The following FOXP2 variants were observed in gnomAD, a reference collection of about 807,000 sequenced individuals.
FOXP2 encodes forkhead box P2.
In FOXP2, 12 loss-of-function variants were observed where a neutral mutation model predicts 115.8. The ratio of observed to expected loss-of-function variants is 0.10; its 90% CI spans 0.07 to 0.17. The LOEUF is 0.17. Among genes scored for constraint, FOXP2 ranks in the 10% least tolerant of loss-of-function variants. The pLI is 1.00. For missense variants in FOXP2, 629 were observed against 843.5 expected (o/e 0.75, Z 3.15); for synonymous variants, 328 against 297.7 (o/e 1.10, Z -1.05).
At chr7:114,132,478 T>TA (rs1465254402) in intron 1 of FOXP2, among the ~76,000 whole-genome samples, 1 of 149,890 alleles carries the variant, frequency 6.7e-6, no homozygotes, top group Non-Finnish European at 1.5e-5. Flanking sequence ...ATAAATCTGT[T>TA]AAAGATAAAG....
intron 1 of FOXP2, among the ~76,000 whole-genome samples, chr7:114,191,573 T>C (rs1793762057): frequency 6.6e-6 from 1 of 152,220 alleles, no homozygotes; most frequent in Admixed American, 6.5e-5. Flanking sequence ...ATTATGAACA[T>C]ATAACCTGAT....
intron 1 of FOXP2, among the ~76,000 whole-genome samples, chr7:114,219,305 A>G (rs1296692025): frequency 6.6e-6 from 1 of 152,192 alleles, no homozygotes; most frequent in Non-Finnish European, 1.5e-5. Context: ...CAACAACAGT[A>G]AAGAAAGTGG....
chr7:114,232,029 G>A (rs913230206), intron 1 of FOXP2, among the ~76,000 whole-genome samples: 6 of 152,072 alleles, frequency 3.9e-5, no homozygotes, highest in African/African-American at 1.4e-4. Flanking sequence ...ACAAATAACT[G>A]ATTGAAAAAT....
chr7:114,538,071 G>T (rs1295089434), intron 3 of FOXP2, among the ~76,000 whole-genome samples: 1 of 151,570 alleles, frequency 6.6e-6, no homozygotes, highest in African/African-American at 2.4e-5. Flanking sequence ...AATGAGGAAA[G>T]TTAGCCAAAA....
chr7:114,365,754 GA>G (rs1382939150), intron 2 of FOXP2, among the ~76,000 whole-genome samples: 1 of 151,948 alleles, frequency 6.6e-6, no homozygotes, highest in East Asian at 1.9e-4. Flanking sequence ...TTCTTTTTAT[GA>G]AAAAATGTAG....
chr7:114,452,509 T>C (rs1795116657), intron 2 of FOXP2, among the ~76,000 whole-genome samples: 1 of 152,062 alleles, frequency 6.6e-6, no homozygotes, highest in African/African-American at 2.4e-5. Context: ...TTTAGAGGTT[T>C]GAAAATTGAT....
intron 1 of FOXP2, among the ~76,000 whole-genome samples, chr7:114,131,895 T>G (rs187235542): frequency 6.6e-6 from 1 of 152,320 alleles, no homozygotes; most frequent in Non-Finnish European, 1.5e-5. Context: ...ACCTGAAGGA[T>G]GAGGACTAGG....
chr7:114,137,743 AG>A (rs1357691085), intron 1 of FOXP2, among the ~76,000 whole-genome samples: 9 of 152,320 alleles, frequency 5.9e-5, no homozygotes, highest in South Asian at 2.1e-4. Flanking sequence ...AGTCTAGAAA[AG>A]CCCATGCAAT....
intron 2 of FOXP2, among the ~76,000 whole-genome samples, chr7:114,445,837 CATCTG>C: frequency 6.6e-6 from 1 of 151,818 alleles, no homozygotes; most frequent in African/African-American, 2.4e-5. Context: ...TCAGATAACA[CATCTG>C]ATTTAATTAA....
chr7:114,431,852 T>C (rs1315435538), intron 2 of FOXP2, among the ~76,000 whole-genome samples: 1 of 151,962 alleles, frequency 6.6e-6, no homozygotes, highest in Admixed American at 6.6e-5. Context: ...ATAATACTCA[T>C]GGCAGGTGAG....
At chr7:114,585,933 A>G (rs1290098353) in intron 3 of FOXP2, among the ~76,000 whole-genome samples, 1 of 152,132 alleles carries the variant, frequency 6.6e-6, no homozygotes, top group African/African-American at 2.4e-5. Flanking sequence ...GTCTGAGGAG[A>G]ACACGATTTT....
chr7:114,681,466 A>C (rs1276069453), intron 16 of FOXP2, among the ~76,000 whole-genome samples: 1 of 152,190 alleles, frequency 6.6e-6, no homozygotes, highest in Non-Finnish European at 1.5e-5. Context: ...CCCAACGTGC[A>C]TAGCAAATGT....
intron 2 of FOXP2, among the ~76,000 whole-genome samples, chr7:114,453,918 G>A (rs1347874262): frequency 6.6e-6 from 1 of 151,982 alleles, no homozygotes; most frequent in Non-Finnish European, 1.5e-5. Context: ...AAAAACCCTA[G>A]AAGAAAACCT....
chr7:114,663,662 AGC>A, intron 15 of FOXP2, 143 bp downstream of exon 15: 4 of 694,510 alleles, frequency 5.8e-6, no homozygotes, highest in Non-Finnish European at 1.0e-5. Context: ...TACTATAGAC[AGC>A]ACTGGTTCTA....
chr7:114,283,888 G>A (rs1001117107), intron 1 of FOXP2, among the ~76,000 whole-genome samples: 3 of 152,042 alleles, frequency 2.0e-5, no homozygotes, highest in Admixed American at 1.3e-4. Flanking sequence ...GCTTGAGCCT[G>A]GGAATTGGAG....
chr7:114,628,738 A>G lies in FOXP2; in HGVS notation c.396+61A>G, dbSNP rs147052438. The G allele has an allele frequency of 2.0e-4, 324 of 1,599,910 alleles. 2 individuals carry two copies. The African/African-American group carries it at 3.9e-3, about 19-fold the overall frequency. On this transcript the variant is annotated intron_variant, in intron 4 of 16. Transcript: ENST00000350908. Reference sequence around the variant, plus strand: ...ACTTAGAAGGTGTGCACTTATTTTGAAAGTGCAGTGGGCATATTTGACAAT... The same window carrying G: ...ACTTAGAAGGTGTGCACTTATTTTGGAAGTGCAGTGGGCATATTTGACAAT...
At chr7:114,624,545 C>T (rs913660558) in intron 3 of FOXP2, among the ~76,000 whole-genome samples, 2 of 151,826 alleles carry the variant, frequency 1.3e-5, no homozygotes, top group African/African-American at 2.4e-5. Flanking sequence ...AAGGGACGCA[C>T]TTAATATGCA....
At chr7:114,181,045 T>C (rs1347700504) in intron 1 of FOXP2, among the ~76,000 whole-genome samples, 1 of 151,890 alleles carries the variant, frequency 6.6e-6, no homozygotes, top group Non-Finnish European at 1.5e-5. Context: ...TGTCTCTCTA[T>C]CATCATTTTT....
intron 1 of FOXP2, among the ~76,000 whole-genome samples, chr7:114,236,149 T>C (rs537479261): frequency 5.9e-5 from 9 of 152,268 alleles, no homozygotes; most frequent in African/African-American, 1.7e-4. Flanking sequence ...TAAATGCCAG[T>C]GAGAGGATAA....
Sources: allele counts gnomAD v4.1 joint callset (sites outside exome capture counted in the v4.1 genomes callset), GRCh38; gene constraint gnomAD v4.1.1; transcripts MANE v1.5; gene names NCBI Gene and HGNC (gene_info 2026-07-23, HGNC 2026-07-21).